The following MOB3B variants were observed in gnomAD, a reference collection of about 807,000 sequenced individuals.
MOB3B encodes the protein MOB kinase activator 3B, also known as MOB kinase activator-like 2B.
In MOB3B, 7 loss-of-function variants were observed where a neutral mutation model predicts 18.7. The ratio of observed to expected loss-of-function variants is 0.37; its 90% confidence interval spans 0.21 to 0.70. MOB3B has a LOEUF of 0.70. Among genes scored for constraint, MOB3B ranks in the 30% least tolerant of loss-of-function variants. The pLI, the probability that MOB3B is intolerant of heterozygous loss-of-function variation, is 0.52. For missense variants in MOB3B, 253 were observed against 281.3 expected, an observed-to-expected ratio of 0.90 and a Z score of 0.72; for synonymous variants, 111 against 99.9, an observed-to-expected ratio of 1.11 and a Z score of -0.66.
chr9:27,435,824 C>T, intron 2 of MOB3B, among the ~76,000 whole-genome samples: 1 of 152,138 alleles, frequency 6.6e-6, no homozygotes, highest in East Asian at 1.9e-4. Flanking sequence ...TGGTCTTGAA[C>T]TCCTGACCTC....
At chr9:27,340,015 T>C (rs1040866923) in intron 3 of MOB3B, among the ~76,000 whole-genome samples, 1 of 152,254 alleles carries the variant, frequency 6.6e-6, no homozygotes, top group Non-Finnish European at 1.5e-5. Context: ...ACACAGGAAT[T>C]AGAAATGTTC....
intron 1 of MOB3B, among the ~76,000 whole-genome samples, chr9:27,458,112 GC>G (rs1819212559): frequency 6.6e-6 from 1 of 152,154 alleles, no homozygotes; most frequent in Non-Finnish European, 1.5e-5. Context: ...CCAAACAGCT[GC>G]CCCCTCATGT....
chr9:27,346,164 GGC>G (rs1821028522), intron 3 of MOB3B, among the ~76,000 whole-genome samples: 1 of 152,160 alleles, frequency 6.6e-6, no homozygotes, highest in Non-Finnish European at 1.5e-5. Context: ...GCAGTGAGAA[GGC>G]ACCATCTTTC....
chr9:27,485,502 C>T (rs1819718608), intron 1 of MOB3B, among the ~76,000 whole-genome samples: 1 of 152,314 alleles, frequency 6.6e-6, no homozygotes, highest in East Asian at 1.9e-4. Flanking sequence ...TTGCCTTGGG[C>T]AAATCTCACT....
intron 3 of MOB3B, among the ~76,000 whole-genome samples, chr9:27,337,330 T>C (rs901648437): frequency 6.6e-6 from 1 of 152,246 alleles, no homozygotes; most frequent in African/African-American, 2.4e-5. Context: ...CATTAGTTTC[T>C]TCTGTGATGG....
rs77047982 is a variant in MOB3B at position 27,335,852 on chromosome 9, G to A, written c.622-5236C>T. On this transcript the variant is annotated intron_variant, in intron 3 of 3. Coordinates refer to ENST00000262244, the MANE Select transcript of MOB3B (RefSeq NM_024761.5). ...ACACCTTTCACACTGTTGTGCGACC[G>A]TTTATCACATTCCTGGTTTCAGCAC... Among the ~76,000 whole-genome samples the A allele has an allele frequency of 2.7e-4, 41 of 152,228 alleles. No individual in the cohort carries two copies. In the East Asian group the frequency reaches 7.3e-3, roughly 27 times the overall value.
chr9:27,360,748 G>A (rs1821263348), intron 2 of MOB3B, among the ~76,000 whole-genome samples: 1 of 152,196 alleles, frequency 6.6e-6, no homozygotes, highest in African/African-American at 2.4e-5. Flanking sequence ...ATGTCTGGCA[G>A]GCGGCAGTGA....
At chr9:27,405,467 T>C (rs1821953322) in intron 2 of MOB3B, among the ~76,000 whole-genome samples, 1 of 152,188 alleles carries the variant, frequency 6.6e-6, no homozygotes, top group African/African-American at 2.4e-5. Flanking sequence ...GCTCCTTATA[T>C]ATTTTGGTTA....
intron 2 of MOB3B, among the ~76,000 whole-genome samples, chr9:27,440,683 G>A (rs1587216168): frequency 6.6e-6 from 1 of 152,078 alleles, no homozygotes; most frequent in South Asian, 2.1e-4. Context: ...GTCTGAATTA[G>A]CTCATTAGGT....
intron 3 of MOB3B, among the ~76,000 whole-genome samples, chr9:27,342,349 T>A (rs984417508): frequency 6.6e-6 from 1 of 152,210 alleles, no homozygotes; most frequent in African/African-American, 2.4e-5. Context: ...AGAACAATGA[T>A]GTTACATCAG....
intron 1 of MOB3B, among the ~76,000 whole-genome samples, chr9:27,489,703 C>G (rs990461721): frequency 2.4e-4 from 34 of 142,848 alleles, no homozygotes; most frequent in Admixed American, 4.3e-4. Flanking sequence ...TGGAAACAGG[C>G]CCCTAGAGGG....
chr9:27,326,497 T>A lies in MOB3B; in HGVS notation c.*4090A>T. ...TACTTCAGCTCGAGTTGAATGGAAT[T>A]CAAGATGTTGTGGAGGGTTCAGTGG... is the stretch of plus-strand genomic sequence containing the variant. On this transcript the variant is annotated 3_prime_UTR_variant, in exon 4 of 4. Transcript: ENST00000262244. 2.5e-6 allele frequency: 1 copy of A among 398,600 alleles called. No individual in the cohort carries two copies. Among genetic ancestry groups the A allele is most frequent in the Non-Finnish European group, 4.4e-6 (1 of 226,046 alleles). 24.7% of individuals were successfully genotyped at this position (398,600 alleles called of 1,614,324 possible).
intron 3 of MOB3B, among the ~76,000 whole-genome samples, chr9:27,334,299 C>A (rs919419886): frequency 6.6e-6 from 1 of 151,980 alleles, no homozygotes; most frequent in African/African-American, 2.4e-5. Flanking sequence ...TTGTCCTTTG[C>A]GGAGTCTGAA....
At chr9:27,462,451 G>T (rs1034209275) in intron 1 of MOB3B, among the ~76,000 whole-genome samples, 3 of 152,178 alleles carry the variant, frequency 2.0e-5, no homozygotes, top group Non-Finnish European at 2.9e-5. Flanking sequence ...GGTAAAAAAT[G>T]TAAGTATTTT....
At position 27,452,543 on chromosome 9, in the gene MOB3B, TAACTC is replaced by T. The variant is rs1350464101; in HGVS notation, c.418+2585_418+2589del. Among the ~76,000 whole-genome samples, 6 of 152,234 alleles carry T rather than the reference TAACTC, an allele frequency of 3.9e-5. No homozygotes were observed. The East Asian group carries it at 1.2e-3, about 29-fold the overall frequency. ...AGTACAGGTTCATAAAGAACTCAAA[TAACTC>T]AATTGAAAGAAAATACATAATTTAA... On this transcript the variant is annotated intron_variant, in intron 2 of 3. Coordinates refer to ENST00000262244, the MANE Select transcript of MOB3B (RefSeq NM_024761.5).
chr9:27,449,367 A>G (rs1042544157), intron 2 of MOB3B, among the ~76,000 whole-genome samples: 5 of 152,190 alleles, frequency 3.3e-5, no homozygotes, highest in African/African-American at 9.7e-5. Context: ...GATAACTAAC[A>G]TGTATTTTTC....
At chr9:27,416,975 G>A (rs1467203455) in intron 2 of MOB3B, among the ~76,000 whole-genome samples, 1 of 152,194 alleles carries the variant, frequency 6.6e-6, no homozygotes, top group Non-Finnish European at 1.5e-5. Flanking sequence ...ACTGGTGTGC[G>A]ATTGAAGGGG....
chr9:27,477,835 G>T (rs1319125560), intron 1 of MOB3B, among the ~76,000 whole-genome samples: 2 of 152,222 alleles, frequency 1.3e-5, no homozygotes, highest in South Asian at 4.1e-4. Flanking sequence ...CTGCTTAGGG[G>T]TTTAGGGCTG....
At chr9:27,382,260 A>G (rs1821589249) in intron 2 of MOB3B, among the ~76,000 whole-genome samples, 1 of 152,130 alleles carries the variant, frequency 6.6e-6, no homozygotes, top group Non-Finnish European at 1.5e-5. Context: ...AAAAAGCAAA[A>G]AAGTTAAGGG....
Sources: gnomAD v4.1 joint callset for allele counts (sites outside exome capture counted in the v4.1 genomes callset) on GRCh38, gnomAD v4.1.1 for gene constraint, MANE v1.5 for transcripts, NCBI Gene and HGNC (gene_info 2026-07-23, HGNC 2026-07-21) for gene names.